Variants in IL6ST observed in about 807,000 individuals in gnomAD.
IL6ST encodes interleukin-6 receptor subunit beta.
Under a neutral mutation model 91.3 loss-of-function variants are expected in IL6ST, and 24 were observed. The ratio of observed to expected loss-of-function variants is 0.26; its 90% CI spans 0.19 to 0.37. The LOEUF is 0.37. Ranked by LOEUF, IL6ST falls within the 10% of genes least tolerant of loss-of-function variation. IL6ST has a pLI of 1.00. For missense variants in IL6ST, 914 were observed against 1,078.5 expected, an observed-to-expected ratio of 0.85 and a Z score of 2.14; for synonymous variants, 351 against 373.6, an observed-to-expected ratio of 0.94 and a Z score of 0.70.
chr5:55,954,760 TAA>T (rs1257392229), intron 11 of IL6ST, 48 bp downstream of exon 11: 5 of 1,423,888 alleles, frequency 3.5e-6, no homozygotes, highest in Non-Finnish European at 4.8e-6. Context: ...AAAAGCTGCC[TAA>T]AGAGTTAGAA....
chr5:55,953,575 G>A (rs112416182), intron 11 of IL6ST, among the ~76,000 whole-genome samples: 2,185 of 152,260 alleles, frequency 0.014, 31 homozygotes, highest in Middle Eastern at 0.037. Flanking sequence ...TAGTAGAGAC[G>A]GAGTTTATCC....
intron 2 of IL6ST, among the ~76,000 whole-genome samples, chr5:55,981,760 C>T (rs1450381537): frequency 6.6e-6 from 1 of 152,182 alleles, no homozygotes; most frequent in Non-Finnish European, 1.5e-5. Context: ...TATTACCTCA[C>T]CTCTTGCAGA....
intron 2 of IL6ST, 70 bp from the exon 3 acceptor site, chr5:55,976,363 C>A (rs1007763198): frequency 5.1e-6 from 4 of 776,912 alleles, no homozygotes; most frequent in South Asian, 5.1e-5. Context: ...AAGACACAAT[C>A]TTGTTTCCAT....
At position 55,954,972 on chromosome 5, in the gene IL6ST, G is replaced by A; in HGVS notation, c.1288C>T (p.Leu430Phe). ...DFQATHPVMD[L>F]KAFPKDNMLW... ...ATGTTATCTTTGGGGAATGCTTTAA[G>A]ATCCATTACAGGGTGAGTAGCTTTA... Residue 430 changes from leucine to phenylalanine, a missense_variant, in exon 11 of 17, where the codon CTT (leucine) becomes TTT (phenylalanine). By Grantham distance (22) the Leu-to-Phe change is conservative. Transcript: ENST00000381298. 3 of 1,608,554 alleles carry A rather than the reference G, an allele frequency of 1.9e-6. No homozygotes were observed. The highest frequency in any genetic ancestry group is 2.5e-6 in the Non-Finnish European group (3 of 1,176,894).
chr5:55,956,443 G>C (rs1751979414), intron 9 of IL6ST, among the ~76,000 whole-genome samples: 2 of 152,108 alleles, frequency 1.3e-5, no homozygotes, highest in Non-Finnish European at 2.9e-5. Flanking sequence ...ACTAAAAAAG[G>C]GTAAGTAGCA....
chr5:55,992,360 A>G (rs375617193), intron 1 of IL6ST, among the ~76,000 whole-genome samples: 30 of 152,348 alleles, frequency 2.0e-4, no homozygotes, highest in African/African-American at 6.5e-4. Flanking sequence ...ATCATGGTTA[A>G]GAGGTCAGAT....
chr5:55,983,328 C>T (rs1753771183), intron 1 of IL6ST, among the ~76,000 whole-genome samples: 3 of 152,162 alleles, frequency 2.0e-5, no homozygotes, highest in Admixed American at 2.0e-4. Context: ...ATTATTGGCT[C>T]ACCCACACCT....
chr5:55,941,926 T>C, intron 16 of IL6ST, 107 bp from the exon 17 acceptor site: 1 of 928,248 alleles, frequency 1.1e-6, no homozygotes. Context: ...ATAACCTGTA[T>C]TATGTCACTA....
intron 2 of IL6ST, among the ~76,000 whole-genome samples, chr5:55,977,694 C>T (rs529436809): frequency 4.7e-4 from 71 of 152,154 alleles, no homozygotes; most frequent in Non-Finnish European, 8.8e-4. Flanking sequence ...GGCGTGGTGG[C>T]GGGTGTCTGT....
chr5:55,969,290 C>A (rs951711857), intron 4 of IL6ST, among the ~76,000 whole-genome samples: 3 of 152,104 alleles, frequency 2.0e-5, no homozygotes, highest in Admixed American at 2.0e-4. Context: ...GAATTACCAT[C>A]ATTATGTCAA....
At chr5:55,965,582 G>A (rs962897443) in intron 5 of IL6ST, among the ~76,000 whole-genome samples, 3 of 152,094 alleles carry the variant, frequency 2.0e-5, no homozygotes, top group Non-Finnish European at 4.4e-5. Context: ...CACACTAAAT[G>A]AAACCAGAGA....
At chr5:55,973,300 A>G (rs1418617792) in intron 3 of IL6ST, among the ~76,000 whole-genome samples, 2 of 152,138 alleles carry the variant, frequency 1.3e-5, no homozygotes, top group Admixed American at 6.5e-5. Context: ...TACTCTTTTC[A>G]TGAAGAGGTG....
rs1352218704 is a variant in IL6ST at position 55,941,532 on chromosome 5, G to T, written c.2307C>A (p.His769Gln). The change falls in exon 17 of 17, where the codon CAC becomes CAA. Residue 769 changes from histidine (H) to glutamine (Q), a missense_variant. Physicochemically the swap from His to Gln is conservative, Grantham distance 24 (BLOSUM62 0). Transcript: ENST00000381298. ...AGAAGACTTGGACTGACGGAACTTG[G>T]TGTCTGTAGCCACTGTGTACCACGG... is the stretch of plus-strand genomic sequence containing the variant. ...YSTVVHSGYR[H>Q]QVPSVQVFSR... 1 of 1,614,170 alleles carries T rather than the reference G, an allele frequency of 6.2e-7. No homozygotes were observed. The highest frequency in any genetic ancestry group is 1.7e-5 in the Admixed American group (1 of 60,014).
At position 55,940,280 on chromosome 5, in the gene IL6ST, AT is replaced by A; in HGVS notation, c.*801del. On this transcript the variant is annotated 3_prime_UTR_variant, in exon 17 of 17. Coordinates refer to ENST00000381298, the MANE Select transcript of IL6ST (RefSeq NM_002184.4). ...ACAATTTAAGCCTTTAAAAATGGCA[AT>A]TTTTTAGATGCTTGAGATAGTTTGG... The A allele has an allele frequency of 4.7e-6, 1 of 212,606 alleles. No individual in the cohort carries two copies. The highest frequency in any genetic ancestry group is 7.0e-5 in the East Asian group (1 of 14,246). 13.2% of individuals were successfully genotyped at this position (212,606 alleles called of 1,614,324 possible).
In IL6ST at chr5:55,938,706, CAT is replaced by C. The variant is rs1483984801; in HGVS notation, c.*2374_*2375del. ...AAAGTACAATTTACATGCATCAACACATAGATTATTCTAAGACATGCTTGGGA... is the reference window on the plus strand; with the variant it reads ...AAAGTACAATTTACATGCATCAACACAGATTATTCTAAGACATGCTTGGGA... On this transcript the variant is annotated 3_prime_UTR_variant, in exon 17 of 17. Coordinates refer to ENST00000381298, the MANE Select transcript of IL6ST (RefSeq NM_002184.4). 1.0e-5 allele frequency: 2 copies of C among 199,894 alleles called. No homozygotes were observed. The highest frequency in any genetic ancestry group is 6.0e-5 in the Admixed American group (1 of 16,586). The allele number at this position is 199,894 out of a possible 1,614,324, so 12.4% of individuals were successfully genotyped here.
intron 3 of IL6ST, among the ~76,000 whole-genome samples, chr5:55,974,983 G>A (rs1273917494): frequency 2.1e-5 from 3 of 145,768 alleles, no homozygotes; most frequent in African/African-American, 5.1e-5. Flanking sequence ...ACACACACAC[G>A]TACACATAAA....
At chr5:55,942,942 A>C (rs564635308) in intron 15 of IL6ST, among the ~76,000 whole-genome samples, 191 bp from the exon 16 acceptor site, 1 of 152,212 alleles carries the variant, frequency 6.6e-6, no homozygotes, top group Non-Finnish European at 1.5e-5. Flanking sequence ...TTGAAAATGC[A>C]TAAGGATTAT....
chr5:55,958,977 A>G (rs1752149913), intron 8 of IL6ST, among the ~76,000 whole-genome samples: 1 of 152,184 alleles, frequency 6.6e-6, no homozygotes, highest in Non-Finnish European at 1.5e-5. Flanking sequence ...TAAAATAGAT[A>G]AATTCACATG....
Position 55,957,220 on chromosome 5 carries a change from G to T in IL6ST, c.1045C>A (p.Leu349Ile). ...ATGTGATTTTTTACCTTCCACACGA[G>T]TTGTACAGTTCTGTAGCCTTGAGTA... The part of the protein sequence containing the change: ...SHTQGYRTVQ[L>I]VWKTLPPFEA... The change falls in exon 9 of 17, where the codon CTC (leucine) becomes ATC (isoleucine). Residue 349 changes from leucine (L) to isoleucine (I), a missense_variant. Transcript: ENST00000381298. The T allele has an allele frequency of 6.7e-7, 1 of 1,499,626 alleles. No homozygotes were observed. Among genetic ancestry groups the T allele is most frequent in the Non-Finnish European group, 9.0e-7 (1 of 1,105,446 alleles). 92.9% of individuals were successfully genotyped at this position (1,499,626 alleles called of 1,614,324 possible). A position where few individuals can be genotyped will look rare whatever the true frequency, so the allele number is the denominator to read the frequency against.
Sources: gnomAD v4.1 joint callset for allele counts (sites outside exome capture counted in the v4.1 genomes callset) on GRCh38, gnomAD v4.1.1 for gene constraint, MANE v1.5 for transcripts, NCBI Gene and HGNC (gene_info 2026-07-23, HGNC 2026-07-21) for gene names.